The following ANK2 variants were observed in gnomAD, a reference collection of about 807,000 sequenced individuals.
ANK2 encodes ankyrin-2.
In ANK2, 83 loss-of-function variants were observed where a neutral mutation model predicts 360.5. The observed-to-expected ratio is 0.23, with a 90% CI of 0.19 to 0.28. The LOEUF (loss-of-function observed/expected upper bound fraction) is 0.28, where lower values mean the gene tolerates loss of function less well. ANK2 is among the 10% of genes least tolerant of loss of function. ANK2 has a pLI of 1.00. For synonymous variants in ANK2, 1,740 were observed against 1,759.5 expected, an observed-to-expected ratio of 0.99 and a Z score of 0.28; for missense variants, 4,201 against 4,795.7, an observed-to-expected ratio of 0.88 and a Z score of 3.66.
rs895618053 is a variant in ANK2, at chr4:113,302,805, G to A, written c.2514G>A (p.Thr838=). 7 of 1,613,710 alleles carry A rather than the reference G, an allele frequency of 4.3e-6. No individual in the cohort carries two copies. Among genetic ancestry groups the A allele is most frequent in the African/African-American group, 2.7e-5 (2 of 74,890 alleles). Residue 838 remains threonine (T), a synonymous_variant, in exon 23 of 46, where the codon ACG becomes ACA. Coordinates refer to ENST00000357077, the MANE Select transcript of ANK2 (RefSeq NM_001148.6). ...AACACAAACTAAATGTACCTGAGAC[G>A]ATGACTGAGGTTCTTGATGTTTCTG... ...TEKHKLNVPE[T]MTEVLDVSDE... is the part of the protein sequence containing the mutation.
rs139059982 is a variant in ANK2, at chr4:112,894,358, A to G, written c.-39-10097A>G. 5.1e-3 allele frequency among the ~76,000 whole-genome samples: 777 copies of G among 152,288 alleles called. 1 individual carries two copies. The highest frequency in any genetic ancestry group is 7.7e-3 in the Non-Finnish European group (521 of 68,030). On this transcript the variant is annotated intron_variant, in intron 1 of 30. Coordinates refer to the ANK2 transcript ENST00000503271. ...GTTTTTTCTTTTTAAGGAGATTAAA[A>G]TTATTGATTGACATAAAATTTTTGT...
intron 1 of ANK2, among the ~76,000 whole-genome samples, chr4:112,855,153 T>A (rs1368482916): frequency 6.6e-6 from 1 of 152,198 alleles, no homozygotes; most frequent in Non-Finnish European, 1.5e-5. Context: ...GGGCTATGTA[T>A]TTACAGAAGG....
At chr4:112,887,941 T>C (rs967199296) in intron 1 of ANK2, among the ~76,000 whole-genome samples, 2 of 152,152 alleles carry the variant, frequency 1.3e-5, no homozygotes, top group Admixed American at 6.5e-5. Flanking sequence ...CAAGTTTTGA[T>C]AAATATTTTA....
rs2098117934 is a variant in ANK2, at chr4:113,174,516, A to G, written c.185A>G (p.Gln62Arg). The change falls in exon 2 of 46, where the codon CAG becomes CGG. Residue 62 changes from glutamine (Q) to arginine (R), a missense_variant and splice_region_variant. Physicochemically the swap from Gln to Arg is conservative, Grantham distance 43. Around this residue, in one of 4 missense-constraint regions of ANK2, gnomAD observed 169 missense variants for 191.1 expected, o/e 0.88. Coordinates refer to ENST00000357077, the MANE Select transcript of ANK2 (RefSeq NM_001148.6). Reference sequence around the variant, plus strand: ...GGCATAGACATCAATACCTGCAATCAGGTAAGAACATGGCAGCTAGCTCTG... The same window carrying G: ...GGCATAGACATCAATACCTGCAATCGGGTAAGAACATGGCAGCTAGCTCTG... ...KGGIDINTCN[Q>R]NGLNALHLAA... The G allele has an allele frequency of 6.2e-7, 1 of 1,602,950 alleles. No homozygotes were observed. Among genetic ancestry groups the G allele is most frequent in the Non-Finnish European group, 8.5e-7 (1 of 1,170,972 alleles).
chr4:112,947,904 T>C (rs561908847), intron 2 of ANK2, among the ~76,000 whole-genome samples: 1 of 152,324 alleles, frequency 6.6e-6, no homozygotes, highest in South Asian at 2.1e-4. Flanking sequence ...TTTCCGTATT[T>C]CTGGAGAACA....
At chr4:112,827,159 A>T in intron 1 of ANK2, 4 of 1,166,738 alleles carry the variant, frequency 3.4e-6, no homozygotes, top group Non-Finnish European at 5.2e-6. Flanking sequence ...AAGGCAAGTG[A>T]AAATTACATC....
At chr4:113,115,279 A>C (rs1225916070) in intron 1 of ANK2, among the ~76,000 whole-genome samples, 1 of 152,246 alleles carries the variant, frequency 6.6e-6, no homozygotes, top group African/African-American at 2.4e-5. Flanking sequence ...AAGGTTTTTC[A>C]GACAAGGGAG....
intron 1 of ANK2, among the ~76,000 whole-genome samples, chr4:113,135,303 G>GATACCTATGAAAAA (rs2096328967): frequency 6.6e-6 from 1 of 152,032 alleles, no homozygotes; most frequent in African/African-American, 2.4e-5. Context: ...GGTAATTAAA[G>GATACCTATGAAAAA]TAAAGTGATG....
chr4:112,721,536 C>A, the ANK2 span, among the ~76,000 whole-genome samples: 1 of 117,872 alleles, frequency 8.5e-6, no homozygotes, highest in African/African-American at 3.4e-5. Flanking sequence ...AGCGAGACCC[C>A]ATCTCAAAAA....
rs144106529 is a variant in ANK2 at position 112,974,377 on chromosome 4, G to A, written c.21+69863G>A. Among the ~76,000 whole-genome samples, 419 of 152,318 alleles carry A rather than the reference G, an allele frequency of 2.8e-3. 2 individuals carry two copies. Among genetic ancestry groups the A allele is most frequent in the African/African-American group, 9.8e-3 (408 of 41,578 alleles). ...AGTGAGAGGGATTGAATCAACTACAGCATCAAATGCTAACCCAAAAGGCCT... is the reference window on the plus strand; with the variant it reads ...AGTGAGAGGGATTGAATCAACTACAACATCAAATGCTAACCCAAAAGGCCT... On this transcript the variant is annotated intron_variant, in intron 2 of 30. Coordinates refer to the ANK2 transcript ENST00000503271.
At chr4:113,167,398 C>T (rs1471233464) in intron 1 of ANK2, among the ~76,000 whole-genome samples, 1 of 151,690 alleles carries the variant, frequency 6.6e-6, no homozygotes, top group Non-Finnish European at 1.5e-5. Flanking sequence ...CTCCCGGATC[C>T]GAGCGATTCC....
rs1468448857 is a variant in ANK2 at position 113,333,269 on chromosome 4, TC to T, written c.3379+62del. 46 of 1,599,710 alleles carry T rather than the reference TC, an allele frequency of 2.9e-5. 1 individual carries two copies. In the Admixed American group the frequency reaches 7.3e-4, roughly 26 times the overall value. On this transcript the variant is annotated intron_variant, in intron 29 of 45. Coordinates refer to ENST00000357077, the MANE Select transcript of ANK2 (RefSeq NM_001148.6). ...ACTGGAAGCATGAAAATGATTCATT[TC>T]TTTCTTATGACCTAGGGGTGTGTGT... is the stretch of plus-strand genomic sequence containing the variant.
the ANK2 span, among the ~76,000 whole-genome samples, chr4:112,747,052 C>CAGTTTTCT: frequency 6.6e-6 from 1 of 152,134 alleles, no homozygotes; most frequent in African/African-American, 2.4e-5. Flanking sequence ...ATTACCTTTG[C>CAGTTTTCT]AGTTTTCTAA....
intron 2 of ANK2, among the ~76,000 whole-genome samples, chr4:112,954,250 GCTTCCTTCCTAC>G (rs2095224088): frequency 1.1e-5 from 1 of 94,892 alleles, no homozygotes; most frequent in African/African-American, 4.9e-5. Flanking sequence ...TTCCTTCCTT[GCTTCCTTCCTAC>G]CTTCCTTCCT....
At position 113,282,877 on chromosome 4, in the gene ANK2, T is replaced by G. The variant is rs1304362778; in HGVS notation, c.2079+5T>G. ...AATATCCACATGTCAACTAAGGTAT[T>G]CTGTCCTTTCTTGCATCAATCAAGA... On this transcript the variant is annotated splice_donor_5th_base_variant and intron_variant, in intron 18 of 45. Transcript: ENST00000357077. The G allele has an allele frequency of 6.8e-6, 11 of 1,613,668 alleles. No individual in the cohort carries two copies. Among genetic ancestry groups the G allele is most frequent in the African/African-American group, 2.7e-5 (2 of 74,898 alleles).
chr4:113,356,917 G>A lies in ANK2; in HGVS notation c.8299G>A (p.Asp2767Asn), dbSNP rs375718800. ...RSYDKLNRDT[D>N]QPKICDGHGC... ...TTATGATAAGCTAAACAGAGACACT[G>A]ATCAGCCAAAAATCTGTGATGGCCA... The change falls in exon 38 of 46, where the codon GAT (aspartate) becomes AAT (asparagine). Residue 2767 changes from aspartate (D) to asparagine (N), a missense_variant. Coordinates refer to ENST00000357077, the MANE Select transcript of ANK2 (RefSeq NM_001148.6). 6.2e-7 allele frequency: 1 copy of A among 1,614,050 alleles called. No homozygotes were observed.
intron 45 of ANK2, chr4:113,374,983 G>A (rs1057264344): frequency 2.0e-6 from 2 of 1,020,872 alleles, no homozygotes; most frequent in Non-Finnish European, 2.4e-6. Flanking sequence ...TTATGTGTGT[G>A]TTTTATGTTG....
chr4:113,334,138 G>A (rs2093073586), intron 29 of ANK2, among the ~76,000 whole-genome samples: 1 of 152,134 alleles, frequency 6.6e-6, no homozygotes, highest in Non-Finnish European at 1.5e-5. Flanking sequence ...CTTATGGATA[G>A]GAAAGAGTAG....
intron 1 of ANK2, chr4:113,152,484 G>T (rs1289354990): frequency 6.6e-6 from 1 of 152,056 alleles, no homozygotes; most frequent in Non-Finnish European, 1.5e-5. Flanking sequence ...TTATTTAAGG[G>T]TTTCTCTGTG....
Sources: allele counts gnomAD v4.1 joint callset (sites outside exome capture counted in the v4.1 genomes callset), GRCh38; gene constraint gnomAD v4.1.1; regional missense constraint gnomAD v4.1.1; transcripts MANE v1.5; gene names NCBI Gene and HGNC (gene_info 2026-07-23, HGNC 2026-07-21).